The following JPH3 variants were observed in gnomAD, a reference collection of about 807,000 sequenced individuals.
The protein encoded by JPH3 is junctophilin-3.
In JPH3, 11 loss-of-function variants were observed where a neutral mutation model predicts 59.6. The observed-to-expected ratio is 0.18, with a 90% confidence interval of 0.12 to 0.31. The LOEUF (loss-of-function observed/expected upper bound fraction) is 0.31, where lower values mean the gene tolerates loss of function less well. JPH3 is among the 10% of genes least tolerant of loss of function. The pLI is 1.00. For synonymous variants in JPH3, 673 were observed against 483.6 expected, an observed-to-expected ratio of 1.39 and a Z score of -5.14; for missense variants, 1,202 against 1,105.7, an observed-to-expected ratio of 1.09 and a Z score of -1.24.
intron 4 of JPH3, chr16:87,695,932 C>T (rs2033822838): frequency 4.4e-6 from 2 of 455,916 alleles, no homozygotes; most frequent in African/African-American, 2.0e-5. Context: ...AGGCTGAGGA[C>T]TTGTGAGCCA....
intron 1 of JPH3, among the ~76,000 whole-genome samples, chr16:87,605,196 C>T (rs991799932): frequency 6.6e-6 from 1 of 152,164 alleles, no homozygotes; most frequent in South Asian, 2.1e-4. Context: ...GCCGGGCTCA[C>T]GCAGGGCATG....
chr16:87,682,917 T>C (rs2033330185), intron 2 of JPH3, among the ~76,000 whole-genome samples: 1 of 152,246 alleles, frequency 6.6e-6, no homozygotes, highest in Non-Finnish European at 1.5e-5. Flanking sequence ...ACATTCTGCC[T>C]TCGGGACGTC....
rs572201440 is a variant in JPH3, at chr16:87,671,957, G to T, written c.1161-12185G>T. ...TAGATAAATGCACCTTCGTCTGTGGGGGGTGGCCGCACCCAGCCTCGCTTC... is the reference window on the plus strand; with the variant it reads ...TAGATAAATGCACCTTCGTCTGTGGTGGGTGGCCGCACCCAGCCTCGCTTC... On this transcript the variant is annotated intron_variant, in intron 2 of 4. Coordinates refer to ENST00000284262, the MANE Select transcript of JPH3 (RefSeq NM_020655.4). Among the ~76,000 whole-genome samples, 24 of 152,364 alleles carry T rather than the reference G, an allele frequency of 1.6e-4. No homozygotes were observed. In the South Asian group the frequency reaches 4.8e-3, roughly 30 times the overall value.
intron 2 of JPH3, among the ~76,000 whole-genome samples, chr16:87,661,972 A>C (rs1295244025): frequency 1.3e-5 from 2 of 152,228 alleles, no homozygotes; most frequent in African/African-American, 4.8e-5. Context: ...ACGCTCACAG[A>C]TTCGTCCTGT....
At chr16:87,670,149 C>G (rs534180512) in intron 2 of JPH3, among the ~76,000 whole-genome samples, 1 of 152,252 alleles carries the variant, frequency 6.6e-6, no homozygotes, top group East Asian at 1.9e-4. Flanking sequence ...GAGGGTGAGG[C>G]GGGGTCTGCA....
rs548545768 is a variant in JPH3, at chr16:87,621,152, C to G, written c.382+17624C>G. On this transcript the variant is annotated intron_variant, in intron 1 of 4. Transcript: ENST00000284262. ...CCAGCCTGGGCAACAGAGCGAGACT[C>G]TGTCTCAAAAGGAAAAAGAAAAAGA... 1.9e-3 allele frequency among the ~76,000 whole-genome samples: 282 copies of G among 149,290 alleles called. 1 individual carries two copies. The highest frequency in any genetic ancestry group is 5.4e-3 in the African/African-American group (218 of 40,240).
chr16:87,620,761 G>A (rs1181379288), intron 1 of JPH3, among the ~76,000 whole-genome samples: 1 of 152,242 alleles, frequency 6.6e-6, no homozygotes. Context: ...AATTTCCCAA[G>A]GCCACACGGT....
chr16:87,688,349 G>C (rs1294072108), intron 3 of JPH3, among the ~76,000 whole-genome samples: 1 of 152,250 alleles, frequency 6.6e-6, no homozygotes, highest in Non-Finnish European at 1.5e-5. Flanking sequence ...CAGCAGCCCA[G>C]CCTGGTGGCG....
intron 1 of JPH3, among the ~76,000 whole-genome samples, chr16:87,605,196 C>G (rs991799932): frequency 6.6e-6 from 1 of 152,164 alleles, no homozygotes; most frequent in African/African-American, 2.4e-5. Flanking sequence ...GCCGGGCTCA[C>G]GCAGGGCATG....
intron 2 of JPH3, among the ~76,000 whole-genome samples, chr16:87,655,248 G>A (rs2032458451): frequency 6.6e-6 from 1 of 152,258 alleles, no homozygotes. Context: ...CGCGCAGCCT[G>A]CCAGGCCCTC....
intron 2 of JPH3, among the ~76,000 whole-genome samples, chr16:87,676,778 G>C (rs1283947005): frequency 6.6e-6 from 1 of 150,542 alleles, no homozygotes; most frequent in East Asian, 1.9e-4. Context: ...GCTCACACCT[G>C]TAATCTCAGC....
chr16:87,640,900 G>A (rs2031927640), intron 1 of JPH3, among the ~76,000 whole-genome samples: 1 of 152,216 alleles, frequency 6.6e-6, no homozygotes, highest in Non-Finnish European at 1.5e-5. Flanking sequence ...AGCTTGGACT[G>A]GCCATGGGAA....
intron 3 of JPH3, chr16:87,684,584 C>T (rs1048149910): frequency 2.5e-5 from 9 of 359,256 alleles, no homozygotes; most frequent in African/African-American, 1.9e-4. Context: ...GCTGCCCGCC[C>T]TCCCCCAGTG....
In JPH3 at chr16:87,644,434, G is replaced by T; in HGVS notation, c.559G>T (p.Gly187Cys). ...TCCCGACGCCTCTCCGGCGGTGGCC[G>T]GCAGCCCGGCCGTGTCCCGCGGGGG... ...LHPDASPAVA[G>C]SPAVSRGGFV... The change falls in exon 2 of 5, where the codon GGC (glycine) becomes TGC (cysteine). Residue 187 changes from glycine (G) to cysteine (C), a missense_variant. Physicochemically the swap from Gly to Cys is radical, Grantham distance 159 (BLOSUM62 -3). Coordinates refer to ENST00000284262, the MANE Select transcript of JPH3 (RefSeq NM_020655.4). 6.2e-7 allele frequency: 1 copy of T among 1,612,050 alleles called. No individual in the cohort carries two copies. The highest frequency in any genetic ancestry group is 8.5e-7 in the Non-Finnish European group (1 of 1,179,372).
intron 2 of JPH3, among the ~76,000 whole-genome samples, chr16:87,650,246 C>A (rs948260163): frequency 6.6e-5 from 10 of 152,344 alleles, no homozygotes; most frequent in Middle Eastern, 3.4e-3. Flanking sequence ...TCATGGTGAT[C>A]TGTGATCAGT....
chr16:87,609,121 G>T (rs1481402029), intron 1 of JPH3, among the ~76,000 whole-genome samples: 2 of 152,256 alleles, frequency 1.3e-5, no homozygotes, highest in African/African-American at 2.4e-5. Flanking sequence ...TGGCATGCCT[G>T]CCTATGTTTT....
Position 87,669,041 on chromosome 16 carries a change from A to G in JPH3, c.1161-15101A>G, listed in dbSNP as rs577431495. Among the ~76,000 whole-genome samples, 93 of 152,130 alleles carry G rather than the reference A, an allele frequency of 6.1e-4. 2 individuals are homozygous for G. In the South Asian group the frequency reaches 0.017, roughly 28 times the overall value. On this transcript the variant is annotated intron_variant, in intron 2 of 4. Coordinates refer to ENST00000284262, the MANE Select transcript of JPH3 (RefSeq NM_020655.4). ...TAGCCCTGCCCTTGGAGCACTGAGA[A>G]TTAGTAAGGAAATCGCCGCTGCATC... is the stretch of plus-strand genomic sequence containing the variant.
chr16:87,689,463 G>A (rs1455513316), intron 3 of JPH3, among the ~76,000 whole-genome samples, 183 bp from the exon 4 acceptor site: 2 of 152,034 alleles, frequency 1.3e-5, no homozygotes, highest in Non-Finnish European at 2.9e-5. Flanking sequence ...GGACCACGGG[G>A]GTCCCACAGA....
At position 87,637,391 on chromosome 16, in the gene JPH3, GGAGAGAGAGAGA is replaced by G. The variant is rs149512628; in HGVS notation, c.383-6857_383-6846del. Among the ~76,000 whole-genome samples the G allele has an allele frequency of 5.9e-5, 5 of 84,210 alleles. No individual in the cohort carries two copies. The South Asian group carries it at 1.6e-3, about 27-fold the overall frequency. The allele number at this position is 84,210 out of a possible 152,430, so 55.2% of individuals were successfully genotyped here. Reference sequence around the variant, plus strand: ...TGGATTTACCTGTTCATGTTATGGGGGAGAGAGAGAGAGAGAGAGAGTGTGTGTGTTTGTGTG... The same window carrying G: ...TGGATTTACCTGTTCATGTTATGGGGGAGAGAGAGTGTGTGTGTTTGTGTG... On this transcript the variant is annotated intron_variant, in intron 1 of 4. Transcript: ENST00000284262.
Sources: allele counts gnomAD v4.1 joint callset (sites outside exome capture counted in the v4.1 genomes callset), GRCh38; gene constraint gnomAD v4.1.1; transcripts MANE v1.5; gene names NCBI Gene and HGNC (gene_info 2026-07-23, HGNC 2026-07-21).